FGF13: variants seen among roughly 807,000 people sequenced by gnomAD.
FGF13 encodes the protein fibroblast growth factor 13, also known as fibroblast growth factor homologous factor 2.
Under a neutral mutation model 19.5 loss-of-function variants are expected in FGF13, and 2 were observed. The observed-to-expected ratio is 0.10, with a 90% CI of 0.04 to 0.32. FGF13 has a LOEUF of 0.32. FGF13 is among the 10% of genes least tolerant of loss of function. The probability of loss-of-function intolerance (pLI) is 1.00; values close to 1 mark genes in which losing one functional copy is unlikely to be tolerated. For missense variants in FGF13, 113 were observed against 192.7 expected (o/e 0.59, Z 2.45); for synonymous variants, 72 against 76.9 (o/e 0.94, Z 0.33).
At chrX:138,980,890 T>C (rs868076043) in intron 1 of FGF13, among the ~76,000 whole-genome samples, 2 of 110,855 alleles carry the variant, frequency 1.8e-5, no homozygotes, top group South Asian at 3.8e-4. Context: ...AGAAGATAAA[T>C]AGGAGGAAGG....
intron 3 of FGF13, among the ~76,000 whole-genome samples, chrX:138,687,974 C>A: frequency 9.7e-6 from 1 of 102,826 alleles, no homozygotes; most frequent in Non-Finnish European, 2.0e-5. Flanking sequence ...TTTTTTGAGA[C>A]GGAGTCTTGC....
intron 3 of FGF13, among the ~76,000 whole-genome samples, chrX:138,637,649 A>C (rs963905441): frequency 1.8e-5 from 2 of 111,835 alleles, no homozygotes; most frequent in African/African-American, 6.5e-5. Flanking sequence ...ATCGGTGCTA[A>C]ATATTCATAG....
chrX:138,872,706 C>T (rs1297975916), intron 1 of FGF13, among the ~76,000 whole-genome samples: 2 of 112,056 alleles, frequency 1.8e-5, no homozygotes, highest in Admixed American at 1.9e-4. Context: ...GCTGGCTTCC[C>T]TCTGGCCCAT....
intron 1 of FGF13, among the ~76,000 whole-genome samples, chrX:138,973,874 C>T (rs940153357): frequency 1.8e-5 from 2 of 111,742 alleles, no homozygotes; most frequent in East Asian, 2.8e-4. Flanking sequence ...TTTCAGTCTA[C>T]GCATGTTCTT....
At chrX:138,830,953 T>C (rs1219023508) in intron 3 of FGF13, among the ~76,000 whole-genome samples, 1 of 110,052 alleles carries the variant, frequency 9.1e-6, no homozygotes, top group African/African-American at 3.3e-5. Flanking sequence ...CAGAATGGTT[T>C]TGGGTGAAGG....
At chrX:139,183,678 C>A (rs941980904) in intron 1 of FGF13, among the ~76,000 whole-genome samples, 76 of 112,136 alleles carry the variant, frequency 6.8e-4, no homozygotes, top group African/African-American at 2.5e-3. Context: ...GCTGGTACTA[C>A]ACTTGTTGCA....
At position 138,803,161 on chromosome X, in the gene FGF13, A is replaced by C. The variant is rs138800259; in HGVS notation, c.217+54351T>G. 6.3e-4 allele frequency among the ~76,000 whole-genome samples: 71 copies of C among 111,903 alleles called. No individual in the cohort carries two copies. In the East Asian group the frequency reaches 0.015, roughly 24 times the overall value. On this transcript the variant is annotated intron_variant, in intron 3 of 6. Coordinates refer to the FGF13 transcript ENST00000436198. ...ACCTCTTTCTTATTATAGTGTATCT[A>C]TCTCTTAATTAGCCTTTCTGCCACC...
rs2088962135 is a variant in FGF13, at chrX:138,615,713, A to G, written c.*17137T>C. On this transcript the variant is annotated 3_prime_UTR_variant, in exon 5 of 5. Transcript: ENST00000315930. The stretch of plus-strand genomic sequence containing the variant: ...AAATTTTTACCCTGTGCATTAGTTC[A>G]TTCTCATGCTTCCATAAAGAAATAC... 8.9e-6 allele frequency: 1 copy of G among 111,950 alleles called. No homozygotes were observed. The highest frequency in any genetic ancestry group is 1.9e-5 in the Non-Finnish European group (1 of 53,246). 9.2% of individuals were successfully genotyped at this position (111,950 alleles called of 1,213,427 possible).
chrX:139,133,077 A>T (rs187170460), intron 1 of FGF13, among the ~76,000 whole-genome samples: 1 of 111,580 alleles, frequency 9.0e-6, no homozygotes, highest in Admixed American at 9.5e-5. Flanking sequence ...TTCTTACTGC[A>T]AAATCTCTTA....
intron 3 of FGF13, among the ~76,000 whole-genome samples, chrX:138,840,486 C>A (rs958912687): frequency 8.9e-6 from 1 of 111,733 alleles, no homozygotes; most frequent in Non-Finnish European, 1.9e-5. Context: ...GGTCGCCCTG[C>A]CACTGTATAC....
At chrX:138,998,427 C>T (rs2092053782) in intron 1 of FGF13, among the ~76,000 whole-genome samples, 1 of 109,645 alleles carries the variant, frequency 9.1e-6, no homozygotes, top group South Asian at 3.9e-4. Flanking sequence ...GTGCTGTATT[C>T]AGTAGACTCA....
At chrX:138,686,712 A>G (rs1252236948) in intron 3 of FGF13, among the ~76,000 whole-genome samples, 1 of 111,740 alleles carries the variant, frequency 8.9e-6, no homozygotes, top group Non-Finnish European at 1.9e-5. Flanking sequence ...AGAAAATTAT[A>G]TCATATTAAA....
chrX:138,822,453 T>C (rs1420119058), intron 3 of FGF13, among the ~76,000 whole-genome samples: 2 of 111,742 alleles, frequency 1.8e-5, no homozygotes, highest in African/African-American at 6.5e-5. Context: ...CTCAAGGGAA[T>C]AACTGAAGAG....
intron 1 of FGF13, among the ~76,000 whole-genome samples, chrX:138,984,087 G>C (rs971606848): frequency 1.8e-5 from 2 of 111,354 alleles, no homozygotes; most frequent in Non-Finnish European, 3.8e-5. Context: ...TTTTGTTTAT[G>C]GTTTTGTTTT....
At position 138,616,143 on chromosome X, in the gene FGF13, T is replaced by C. The variant is rs1026499087; in HGVS notation, c.*16707A>G. On this transcript the variant is annotated 3_prime_UTR_variant, in exon 5 of 5. Coordinates refer to ENST00000315930, the MANE Select transcript of FGF13 (RefSeq NM_004114.5). Reference sequence around the variant, plus strand: ...ATAGTCCCCCAAAGTATTAACTCATTCAAACATTAACCCAGAAGTCCAAGT... The same window carrying C: ...ATAGTCCCCCAAAGTATTAACTCATCCAAACATTAACCCAGAAGTCCAAGT... 1 of 111,897 alleles carries C rather than the reference T, an allele frequency of 8.9e-6. No homozygotes were observed. The allele number at this position is 111,897 out of a possible 1,213,427, so 9.2% of individuals were successfully genotyped here.
rs752527114 is a variant in FGF13 at position 138,894,407 on chromosome X, G to A, written c.-112-29757C>T. Among the ~76,000 whole-genome samples, 36 of 110,433 alleles carry A rather than the reference G, an allele frequency of 3.3e-4. No homozygotes were observed. The East Asian group carries it at 6.3e-3, about 19-fold the overall frequency. On this transcript the variant is annotated intron_variant, in intron 1 of 2. Transcript: ENST00000421460. ...AAAAGATCAACAAAATTGATAGACC[G>A]CTAGCAAGACTAATAAAGAAGAAAA...
chrX:138,973,179 G>A (rs1275668475), intron 1 of FGF13, among the ~76,000 whole-genome samples: 3 of 111,595 alleles, frequency 2.7e-5, no homozygotes, highest in African/African-American at 9.8e-5. Flanking sequence ...TGCCTTTGCT[G>A]TATTCCATAG....
intron 1 of FGF13, among the ~76,000 whole-genome samples, chrX:139,064,065 G>T (rs1160069461): frequency 1.8e-5 from 2 of 110,622 alleles, no homozygotes; most frequent in Non-Finnish European, 3.8e-5. Flanking sequence ...TTTTGTGTAT[G>T]AAATTATTCA....
At chrX:139,185,598 C>T (rs1178195125) in intron 1 of FGF13, among the ~76,000 whole-genome samples, 1 of 111,318 alleles carries the variant, frequency 9.0e-6, no homozygotes, top group African/African-American at 3.3e-5. Flanking sequence ...ACCAATGGGC[C>T]CCCACTGAAG....
Sources: allele counts gnomAD v4.1 joint callset (sites outside exome capture counted in the v4.1 genomes callset), GRCh38; gene constraint gnomAD v4.1.1; transcripts MANE v1.5; gene names NCBI Gene and HGNC (gene_info 2026-07-23, HGNC 2026-07-21).